Variants in GSDMC observed in about 807,000 individuals in gnomAD.
The protein encoded by GSDMC is gasdermin-C.
In GSDMC, 59 loss-of-function variants were observed where a neutral mutation model predicts 58.0. That is an observed-to-expected ratio of 1.02 (90% CI 0.82 to 1.26). The LOEUF is 1.26. Ranked by LOEUF, GSDMC falls within the 50% of genes most tolerant of loss-of-function variation. The probability of loss-of-function intolerance (pLI) is 0.00; values close to 1 mark genes in which losing one functional copy is unlikely to be tolerated. For synonymous variants in GSDMC, 241 were observed against 220.2 expected, an observed-to-expected ratio of 1.09 and a Z score of -0.83; for missense variants, 659 against 598.5, an observed-to-expected ratio of 1.10 and a Z score of -1.06.
At chr8:129,766,818 T>C (rs1436649492) in intron 3 of GSDMC, among the ~76,000 whole-genome samples, 1 of 152,128 alleles carries the variant, frequency 6.6e-6, no homozygotes, top group East Asian at 1.9e-4. Context: ...AAAGTAGATA[T>C]CCAGCTTCAA....
At chr8:129,713,110 G>A in the GSDMC span, among the ~76,000 whole-genome samples, 1 of 152,342 alleles carries the variant, frequency 6.6e-6, no homozygotes, top group East Asian at 1.9e-4. Flanking sequence ...GGATCCTCAT[G>A]AGCTCACTAT....
downstream of GSDMC, among the ~76,000 whole-genome samples, chr8:129,747,218 C>T (rs1349194703): frequency 6.6e-6 from 1 of 150,622 alleles, no homozygotes; most frequent in Non-Finnish European, 1.5e-5. Flanking sequence ...GATCGTGCCA[C>T]TGCATTCCAG....
rs753762061 is a variant in GSDMC, at chr8:129,748,241, T to C, written c.*260A>G. On this transcript the variant is annotated 3_prime_UTR_variant, in exon 14 of 14. Transcript: ENST00000276708. ...ATTATTTTGAAGTAAAATTTATACA[T>C]AGTGAAACGCTTACGTCTTTAACAT... 4 of 293,530 alleles carry C rather than the reference T, an allele frequency of 1.4e-5. No individual in the cohort carries two copies. The highest frequency in any genetic ancestry group is 2.2e-5 in the African/African-American group (1 of 46,340). The allele number at this position is 293,530 out of a possible 1,614,324, so 18.2% of individuals were successfully genotyped here.
intron 6 of GSDMC, among the ~76,000 whole-genome samples, chr8:129,754,918 G>A (rs1379781304): frequency 6.6e-6 from 1 of 151,816 alleles, no homozygotes; most frequent in East Asian, 1.9e-4. Flanking sequence ...TACCGTCAGA[G>A]GAACCAAAAG....
chr8:129,720,297 C>A, the GSDMC span, among the ~76,000 whole-genome samples: 1 of 152,090 alleles, frequency 6.6e-6, no homozygotes, highest in Non-Finnish European at 1.5e-5. Flanking sequence ...TCACATGTAG[C>A]AAATAATTAC....
chr8:129,743,171 T>C, the GSDMC span, among the ~76,000 whole-genome samples: 1 of 152,186 alleles, frequency 6.6e-6, no homozygotes, highest in African/African-American at 2.4e-5. Context: ...TTTCATTAAA[T>C]TTTCAGCACG....
In GSDMC at chr8:129,750,201, C is replaced by G. The variant is rs1429314511; in HGVS notation, c.1084-82G>C. 4.1e-6 allele frequency: 5 copies of G among 1,215,320 alleles called. No homozygotes were observed. In the East Asian group the frequency reaches 1.0e-4, roughly 25 times the overall value. The allele number at this position is 1,215,320 out of a possible 1,614,324, so 75.3% of individuals were successfully genotyped here. A position where few individuals can be genotyped will look rare whatever the true frequency, so the allele number is the denominator to read the frequency against. The stretch of plus-strand genomic sequence containing the variant: ...ATTTGCCTGTGTCTACTGGTGATAA[C>G]CAAGGGGTAGGCATGAGGGTTCTCT... On this transcript the variant is annotated intron_variant, in intron 11 of 13. Transcript: ENST00000276708.
chr8:129,732,005 T>C, the GSDMC span, among the ~76,000 whole-genome samples: 1 of 152,014 alleles, frequency 6.6e-6, no homozygotes, highest in Non-Finnish European at 1.5e-5. Context: ...AAAAGGGAAA[T>C]GTTCAGTTTG....
At chr8:129,714,932 T>C in the GSDMC span, among the ~76,000 whole-genome samples, 1 of 152,222 alleles carries the variant, frequency 6.6e-6, no homozygotes, top group East Asian at 1.9e-4. Flanking sequence ...AATTCTAACA[T>C]TGTCTGGGAG....
intron 3 of GSDMC, 71 bp from the exon 4 acceptor site, chr8:129,765,864 C>T (rs1471379015): frequency 5.2e-6 from 7 of 1,345,002 alleles, no homozygotes; most frequent in Non-Finnish European, 7.2e-6. Flanking sequence ...CTCTGGGTGC[C>T]CTTCTCCCCA....
intron 8 of GSDMC, 49 bp downstream of exon 8, chr8:129,752,057 T>C (rs1317491801): frequency 1.3e-6 from 2 of 1,577,538 alleles, no homozygotes; most frequent in Non-Finnish European, 1.7e-6. Context: ...ATCAGGTGGT[T>C]TTTTGTTGTG....
At chr8:129,741,667 T>C in the GSDMC span, among the ~76,000 whole-genome samples, 1 of 152,086 alleles carries the variant, frequency 6.6e-6, no homozygotes, top group African/African-American at 2.4e-5. Context: ...AAGGAAAGTC[T>C]TGTAGGCTGT....
downstream of GSDMC, among the ~76,000 whole-genome samples, chr8:129,747,444 A>T (rs1436451813): frequency 6.6e-6 from 1 of 152,178 alleles, no homozygotes; most frequent in African/African-American, 2.4e-5. Context: ...AAAAGTGAAG[A>T]CATGATGTGA....
downstream of GSDMC, among the ~76,000 whole-genome samples, chr8:129,745,392 T>C (rs1299758274): frequency 1.3e-5 from 2 of 152,164 alleles, no homozygotes; most frequent in African/African-American, 4.8e-5. Context: ...CTCTGGAACT[T>C]CTTACTCTCT....
At chr8:129,727,544 C>T in the GSDMC span, among the ~76,000 whole-genome samples, 7 of 152,124 alleles carry the variant, frequency 4.6e-5, no homozygotes, top group Non-Finnish European at 7.4e-5. Context: ...AGGGAGAGCA[C>T]TTTGTTTCTC....
chr8:129,749,463 G>A lies in GSDMC; in HGVS notation c.1276C>T (p.Gln426Ter), dbSNP rs550680319. Residue 426 changes from glutamine (Q) to a stop codon, truncating the protein, a stop_gained, in exon 13 of 14, where the codon CAA becomes TAA. Transcript: ENST00000276708. LOFTEE classifies it low-confidence loss of function (END_TRUNC). ...CSMEKRILLQQQELVRSILEP... is the reference protein window; with the variant it reads ...CSMEKRILLQ Reference sequence around the variant, plus strand: ...TGGGAAGTTCTCACCAGCTCCTGTTGCTGAAGCAGGATCCTCTTCTCCATG... The same window carrying A: ...TGGGAAGTTCTCACCAGCTCCTGTTACTGAAGCAGGATCCTCTTCTCCATG... The A allele has an allele frequency of 1.2e-6, 2 of 1,612,546 alleles. No individual in the cohort carries two copies. Among genetic ancestry groups the A allele is most frequent in the East Asian group, 4.5e-5 (2 of 44,882 alleles).
At chr8:129,743,992 C>T (rs1010902583), downstream of GSDMC, among the ~76,000 whole-genome samples, 11 of 152,178 alleles carry the variant, frequency 7.2e-5, no homozygotes, top group Non-Finnish European at 7.3e-5. Flanking sequence ...TATACATGCA[C>T]AAGTTAAGTA....
chr8:129,773,212 C>G (rs2034115990), intron 3 of GSDMC, among the ~76,000 whole-genome samples: 3 of 151,936 alleles, frequency 2.0e-5, no homozygotes, highest in Admixed American at 1.3e-4. Flanking sequence ...AAATAAGGAA[C>G]AAAACAAGAA....
chr8:129,785,150 G>T (rs1054229986), intron 1 of GSDMC, among the ~76,000 whole-genome samples: 17 of 152,228 alleles, frequency 1.1e-4, no homozygotes, highest in African/African-American at 4.1e-4. Flanking sequence ...GGCGGAGGTT[G>T]CAGTGAGTCG....
Sources: allele counts gnomAD v4.1 joint callset (sites outside exome capture counted in the v4.1 genomes callset), GRCh38; gene constraint gnomAD v4.1.1; transcripts MANE v1.5; gene names NCBI Gene and HGNC (gene_info 2026-07-23, HGNC 2026-07-21).